Variants in NELL1 observed in about 807,000 individuals in gnomAD.
NELL1 encodes protein kinase C-binding protein NELL1.
In NELL1, 76 loss-of-function variants were observed where a neutral mutation model predicts 107.4. That is an observed-to-expected ratio of 0.71 (90% CI 0.59 to 0.86). The LOEUF (loss-of-function observed/expected upper bound fraction) is 0.86. Ranked by LOEUF, NELL1 falls within the 40% of genes least tolerant of loss-of-function variation. NELL1 has a pLI of 0.00. For synonymous variants in NELL1, 353 were observed against 341.2 expected (o/e 1.03, Z -0.38); for missense variants, 1,024 against 1,005.5 (o/e 1.02, Z -0.25).
intron 16 of NELL1, among the ~76,000 whole-genome samples, chr11:21,555,025 TA>T (rs1856672940): frequency 6.6e-6 from 1 of 151,940 alleles, no homozygotes; most frequent in South Asian, 2.1e-4. Flanking sequence ...GATATACAAA[TA>T]TTTTTTTAAA....
chr11:21,482,222 C>G (rs1299323888), intron 15 of NELL1, among the ~76,000 whole-genome samples: 7 of 152,204 alleles, frequency 4.6e-5, no homozygotes, highest in Non-Finnish European at 4.4e-5. Flanking sequence ...CAATTAAACA[C>G]TTACTGCTCT....
intron 14 of NELL1, among the ~76,000 whole-genome samples, chr11:21,327,087 G>C (rs1237240954): frequency 6.6e-6 from 1 of 150,616 alleles, no homozygotes; most frequent in Non-Finnish European, 1.5e-5. Flanking sequence ...GAGGGAACTG[G>C]TGGGAGGTTA....
At chr11:21,164,055 C>T (rs746911872) in intron 13 of NELL1, among the ~76,000 whole-genome samples, 13 of 152,034 alleles carry the variant, frequency 8.6e-5, no homozygotes, top group Admixed American at 5.2e-4. Flanking sequence ...CAGCAGTGTG[C>T]GAGTCAAGGA....
intron 15 of NELL1, among the ~76,000 whole-genome samples, chr11:21,374,887 CTGTGT>C (rs1298171503): frequency 7.0e-6 from 1 of 143,758 alleles, no homozygotes; most frequent in East Asian, 2.1e-4. Context: ...CTGTGTGTGT[CTGTGT>C]GTGTGTGTGT....
intron 2 of NELL1, among the ~76,000 whole-genome samples, chr11:20,753,219 A>T (rs945879373): frequency 6.6e-6 from 1 of 152,214 alleles, no homozygotes; most frequent in Non-Finnish European, 1.5e-5. Context: ...AATCAAGGAG[A>T]GTGAGGGATG....
At chr11:21,132,052 A>G (rs1199160634) in intron 13 of NELL1, among the ~76,000 whole-genome samples, 2 of 152,096 alleles carry the variant, frequency 1.3e-5, no homozygotes, top group African/African-American at 4.8e-5. Flanking sequence ...GTTGGCAAAT[A>G]TCACCCCTCT....
chr11:21,146,060 T>C (rs951355701), intron 13 of NELL1, among the ~76,000 whole-genome samples: 3 of 152,182 alleles, frequency 2.0e-5, no homozygotes, highest in Admixed American at 1.3e-4. Context: ...TTCATGCCTG[T>C]AAGTTTCATC....
chr11:21,472,647 G>A lies in NELL1; in HGVS notation c.1646-61727G>A, dbSNP rs967453386. On this transcript the variant is annotated intron_variant, in intron 15 of 19. Transcript: ENST00000357134. ...GGCTAGTATGAAAATACTAATTAGG[G>A]AGCAATTCCTAGAAAAAAACTACAT... is the stretch of plus-strand genomic sequence containing the variant. 8.6e-5 allele frequency among the ~76,000 whole-genome samples: 13 copies of A among 151,876 alleles called. 1 individual carries two copies. The highest frequency in any genetic ancestry group is 1.8e-4 in the Non-Finnish European group (12 of 67,906).
intron 5 of NELL1, among the ~76,000 whole-genome samples, chr11:20,897,726 A>G (rs1254839885): frequency 6.6e-5 from 10 of 152,208 alleles, no homozygotes; most frequent in Admixed American, 1.3e-4. Context: ...TACAAGAAAA[A>G]AACAAACAAC....
intron 15 of NELL1, among the ~76,000 whole-genome samples, chr11:21,527,619 G>A (rs1189717988): frequency 6.6e-6 from 1 of 152,184 alleles, no homozygotes; most frequent in Non-Finnish European, 1.5e-5. Flanking sequence ...TCCCACAATA[G>A]GCCATCTGCA....
At position 21,560,247 on chromosome 11, in the gene NELL1, C is replaced by T; in HGVS notation, c.1845C>T (p.Asn615=). Residue 615 remains asparagine (N), a synonymous_variant, in exon 17 of 20, where the codon AAC becomes AAT. Transcript: ENST00000357134. ...GTTGGAACGATTCTGCCTGCATCAACCTGGCAGGGGGCTTTGACTGTCTCT... is the reference window on the plus strand; with the variant it reads ...GTTGGAACGATTCTGCCTGCATCAATCTGGCAGGGGGCTTTGACTGTCTCT... ...HTCWNDSACI[N]LAGGFDCLCP... is the part of the protein sequence containing the mutation. 1 of 1,613,688 alleles carries T rather than the reference C, an allele frequency of 6.2e-7. No homozygotes were observed.
chr11:21,397,369 T>G (rs544818638), intron 15 of NELL1, among the ~76,000 whole-genome samples: 15 of 151,682 alleles, frequency 9.9e-5, no homozygotes, highest in African/African-American at 3.4e-4. Context: ...ATTTAAAAAG[T>G]AGTATATTTT....
chr11:21,526,473 G>A (rs1178046998), intron 15 of NELL1, among the ~76,000 whole-genome samples: 1 of 152,212 alleles, frequency 6.6e-6, no homozygotes, highest in Non-Finnish European at 1.5e-5. Context: ...CTCACAGCTA[G>A]CTCTACTAGG....
intron 15 of NELL1, among the ~76,000 whole-genome samples, chr11:21,490,473 A>C (rs1295529847): frequency 1.3e-5 from 2 of 151,318 alleles, no homozygotes; most frequent in East Asian, 3.9e-4. Flanking sequence ...AAAAAAAAAA[A>C]AAAAGCCAGA....
At chr11:20,930,145 G>GT (rs1345276427) in intron 9 of NELL1, among the ~76,000 whole-genome samples, 2 of 151,932 alleles carry the variant, frequency 1.3e-5, no homozygotes, top group Admixed American at 6.6e-5. Context: ...ACTTTTTGAC[G>GT]TTTTTTTAAA....
At chr11:21,401,211 TA>T (rs1336390848) in intron 15 of NELL1, among the ~76,000 whole-genome samples, 1 of 151,828 alleles carries the variant, frequency 6.6e-6, no homozygotes, top group African/African-American at 2.4e-5. Flanking sequence ...AGATTTTTTT[TA>T]TTGAATTATG....
intron 13 of NELL1, among the ~76,000 whole-genome samples, chr11:21,200,018 G>A (rs1002247813): frequency 6.6e-6 from 1 of 152,120 alleles, no homozygotes; most frequent in African/African-American, 2.4e-5. Context: ...GTGTATATGT[G>A]TCACATTTTC....
chr11:21,115,312 G>T (rs1207161270), intron 13 of NELL1, among the ~76,000 whole-genome samples: 6 of 148,532 alleles, frequency 4.0e-5, no homozygotes, highest in Non-Finnish European at 8.9e-5. Context: ...GTAAGGCTCT[G>T]CAGGAAAAGT....
chr11:21,065,735 C>T (rs1853852012), intron 12 of NELL1, among the ~76,000 whole-genome samples: 1 of 152,092 alleles, frequency 6.6e-6, no homozygotes, highest in Non-Finnish European at 1.5e-5. Flanking sequence ...AAAGATTTTG[C>T]AATGAATATG....
Sources: allele counts gnomAD v4.1 joint callset (sites outside exome capture counted in the v4.1 genomes callset), GRCh38; gene constraint gnomAD v4.1.1; transcripts MANE v1.5; gene names NCBI Gene and HGNC (gene_info 2026-07-23, HGNC 2026-07-21).